Variants in ROCK2 observed in about 807,000 individuals in gnomAD.
The protein encoded by ROCK2 is Rho associated coiled-coil containing protein kinase 2.
In ROCK2, 61 loss-of-function variants were observed where a neutral mutation model predicts 195.1. The ratio of observed to expected loss-of-function variants is 0.31; its 90% CI spans 0.25 to 0.39. The LOEUF is 0.39. ROCK2 is among the 10% of genes least tolerant of loss of function. The pLI, the probability that ROCK2 is intolerant of heterozygous loss-of-function variation, is 1.00. For missense variants in ROCK2, 1,109 were observed against 1,637.4 expected (o/e 0.68, Z 5.57); for synonymous variants, 504 against 545.5 (o/e 0.92, Z 1.06).
In ROCK2 at chr2:11,273,403, CA is replaced by C. The variant is rs148834357; in HGVS notation, c.324+13135del. Reference sequence around the variant, plus strand: ...TTAAATCAATAAAGGTTACAGGAAACAAAAAAAAACATTATATCTTAATAAA... The same window carrying C: ...TTAAATCAATAAAGGTTACAGGAAACAAAAAAAACATTATATCTTAATAAA... On this transcript the variant is annotated intron_variant, in intron 3 of 32. Transcript: ENST00000315872. 1.5e-4 allele frequency among the ~76,000 whole-genome samples: 23 copies of C among 149,796 alleles called. No individual in the cohort carries two copies. In the East Asian group the frequency reaches 2.8e-3, roughly 18 times the overall value.
intron 1 of ROCK2, among the ~76,000 whole-genome samples, chr2:11,303,845 G>T (rs1166687425): frequency 6.6e-6 from 1 of 151,882 alleles, no homozygotes; most frequent in Non-Finnish European, 1.5e-5. Flanking sequence ...CAATGATCAT[G>T]TCTCAGTTCA....
chr2:11,233,771 T>TA (rs1436759737), intron 5 of ROCK2, among the ~76,000 whole-genome samples: 2 of 152,140 alleles, frequency 1.3e-5, no homozygotes, highest in African/African-American at 4.8e-5. Flanking sequence ...TAAGAACATA[T>TA]AGTACACTAT....
intron 1 of ROCK2, among the ~76,000 whole-genome samples, 191 bp downstream of exon 1, chr2:11,343,805 A>G (rs1168825721): frequency 4.6e-5 from 7 of 152,114 alleles, no homozygotes; most frequent in African/African-American, 1.7e-4. Context: ...AGAGGGAGGA[A>G]TCAAAGGCGG....
intron 3 of ROCK2, among the ~76,000 whole-genome samples, chr2:11,274,183 CTTTACAA>C (rs1170131324): frequency 6.6e-6 from 1 of 151,546 alleles, no homozygotes; most frequent in Non-Finnish European, 1.5e-5. Context: ...AAAAACGAAA[CTTTACAA>C]TTTAAGAAAC....
chr2:11,318,077 G>A (rs2148243226), intron 1 of ROCK2, among the ~76,000 whole-genome samples: 1 of 152,228 alleles, frequency 6.6e-6, no homozygotes, highest in Non-Finnish European at 1.5e-5. Flanking sequence ...AAACATACGT[G>A]TGCATGTGTC....
intron 1 of ROCK2, among the ~76,000 whole-genome samples, chr2:11,324,386 C>CT (rs1015212186): frequency 1.3e-5 from 2 of 152,158 alleles, no homozygotes; most frequent in African/African-American, 4.8e-5. Flanking sequence ...GATCATGCCA[C>CT]TGCACTGCAG....
chr2:11,211,585 TG>T, intron 18 of ROCK2, 95 bp downstream of exon 18: 3 of 1,195,944 alleles, frequency 2.5e-6, no homozygotes, highest in Non-Finnish European at 3.4e-6. Flanking sequence ...TATTTGACAA[TG>T]AAATATAAAA....
In ROCK2 at chr2:11,235,711, C is replaced by T. The variant is rs535456218; in HGVS notation, c.714G>A (p.Lys238=). ...LKLADFGTCM[K]MDETGMVHCD... ...TAATTTGCTTACTTACTTCATCCAT[C>T]TTCATACACGTGCCAAAATCTGCTA... Residue 238 remains lysine, a synonymous_variant, in exon 5 of 33, where the codon AAG becomes AAA. Coordinates refer to ENST00000315872, the MANE Select transcript of ROCK2 (RefSeq NM_004850.5). The surrounding 1 kb of genome is among the most constrained non-coding windows in gnomAD (Gnocchi z 4.2). The T allele has an allele frequency of 1.1e-5, 18 of 1,609,176 alleles. No individual in the cohort carries two copies. The South Asian group carries it at 1.9e-4, about 17-fold the overall frequency.
At chr2:11,253,088 G>C (rs192854067) in intron 3 of ROCK2, among the ~76,000 whole-genome samples, 1 of 151,984 alleles carries the variant, frequency 6.6e-6, no homozygotes, top group South Asian at 2.1e-4. Context: ...TGTCCACCCA[G>C]TATTCCATCC....
intron 1 of ROCK2, among the ~76,000 whole-genome samples, chr2:11,311,629 C>T (rs954889115): frequency 1.6e-4 from 24 of 152,152 alleles, no homozygotes; most frequent in African/African-American, 4.1e-4. Flanking sequence ...CAGAAGAAAA[C>T]GTAAATCCTC....
chr2:11,280,735 C>G (rs747960963), intron 3 of ROCK2, among the ~76,000 whole-genome samples: 2 of 152,124 alleles, frequency 1.3e-5, no homozygotes, highest in Non-Finnish European at 2.9e-5. Flanking sequence ...CAAGAAGAAA[C>G]AGACTTACTG....
At chr2:11,211,923 TGA>T in intron 17 of ROCK2, 83 bp from the exon 18 acceptor site, 1 of 1,012,486 alleles carries the variant, frequency 9.9e-7, no homozygotes, top group Non-Finnish European at 1.4e-6. Context: ...TTTTTTTTTT[TGA>T]GACAGAGTCT....
At chr2:11,321,287 T>C (rs924600288) in intron 1 of ROCK2, among the ~76,000 whole-genome samples, 3 of 152,058 alleles carry the variant, frequency 2.0e-5, no homozygotes, top group Non-Finnish European at 2.9e-5. Flanking sequence ...GCGATTTTCG[T>C]GCCTCAGCCT....
chr2:11,188,662 C>T (rs1352195056), intron 32 of ROCK2, among the ~76,000 whole-genome samples: 2 of 151,002 alleles, frequency 1.3e-5, no homozygotes, highest in Non-Finnish European at 3.0e-5. Flanking sequence ...GTCTCACTGT[C>T]GCCCAGGCTG....
At chr2:11,280,395 G>A (rs1398430514) in intron 3 of ROCK2, among the ~76,000 whole-genome samples, 3 of 151,766 alleles carry the variant, frequency 2.0e-5, no homozygotes, top group East Asian at 3.9e-4. Context: ...AGGCCGAGGC[G>A]GGCGGATCAC....
chr2:11,286,523 C>T lies in ROCK2; in HGVS notation c.324+16G>A. On this transcript the variant is annotated intron_variant, in intron 3 of 32. Coordinates refer to ENST00000315872, the MANE Select transcript of ROCK2 (RefSeq NM_004850.5). ...ATGATGTCATAGAGAACAATAAGAA[C>T]AAAACACTTTCTTACCAACTGCACT... The T allele has an allele frequency of 6.7e-7, 1 of 1,502,886 alleles. No homozygotes were observed. The highest frequency in any genetic ancestry group is 9.3e-7 in the Non-Finnish European group (1 of 1,080,012). 93.1% of individuals were successfully genotyped at this position (1,502,886 alleles called of 1,614,324 possible). A position where few individuals can be genotyped will look rare whatever the true frequency, so the allele number is the denominator to read the frequency against.
At chr2:11,302,356 G>A (rs1206870889) in intron 1 of ROCK2, among the ~76,000 whole-genome samples, 1 of 151,336 alleles carries the variant, frequency 6.6e-6, no homozygotes, top group African/African-American at 2.4e-5. Flanking sequence ...GTCTCACTCT[G>A]TCGCCCAGGC....
intron 12 of ROCK2, 58 bp downstream of exon 12, chr2:11,217,032 C>T (rs968036201): frequency 8.3e-6 from 7 of 841,910 alleles, no homozygotes; most frequent in Non-Finnish European, 5.6e-6. Context: ...GCTCTTTTTT[C>T]AGTAAATGTT....
At chr2:11,280,375 G>A (rs754360057) in intron 3 of ROCK2, among the ~76,000 whole-genome samples, 56 of 151,706 alleles carry the variant, frequency 3.7e-4, no homozygotes, top group Non-Finnish European at 6.8e-4. Flanking sequence ...TGAAATCCCA[G>A]CACTTTGGGA....
Sources: gnomAD v4.1 joint callset for allele counts (sites outside exome capture counted in the v4.1 genomes callset) on GRCh38, gnomAD v4.1.1 for gene constraint, Gnocchi (gnomAD v3.1) non-coding constraint, MANE v1.5 for transcripts, NCBI Gene and HGNC (gene_info 2026-07-23, HGNC 2026-07-21) for gene names.